The following VPS13B variants were observed in gnomAD, a reference collection of about 807,000 sequenced individuals.
VPS13B encodes the protein vacuolar protein sorting 13 homolog B.
Under a neutral mutation model 426.4 loss-of-function variants are expected in VPS13B, and 285 were observed. That is an observed-to-expected ratio of 0.67 (90% confidence interval 0.61 to 0.74). The LOEUF (loss-of-function observed/expected upper bound fraction) is 0.74. Among genes scored for constraint, VPS13B ranks in the 30% least tolerant of loss-of-function variants. The probability of loss-of-function intolerance (pLI) is 0.00; values close to 1 mark genes in which losing one functional copy is unlikely to be tolerated. For synonymous variants in VPS13B, 1,676 were observed against 1,676.4 expected, an observed-to-expected ratio of 1.00 and a Z score of 0.01; for missense variants, 4,537 against 4,782.6, an observed-to-expected ratio of 0.95 and a Z score of 1.51.
chr8:99,193,117 TTTA>T (rs1336101683), intron 17 of VPS13B, 60 bp downstream of exon 17: 1 of 1,541,334 alleles, frequency 6.5e-7, no homozygotes, highest in African/African-American at 1.4e-5. Flanking sequence ...CAACTAATAT[TTTA>T]TTATGAAAAT....
Position 99,653,395 on chromosome 8 carries a change from C to A in VPS13B, c.5909-7959C>A, listed in dbSNP as rs1588590363. 3.3e-5 allele frequency among the ~76,000 whole-genome samples: 5 copies of A among 151,618 alleles called. No individual in the cohort carries two copies. The Middle Eastern group carries it at 0.014, about 427-fold the overall frequency. On this transcript the variant is annotated intron_variant, in intron 34 of 61. Transcript: ENST00000357162. ...TGATTAGCTTTAATGTTACAAAACC[C>A]AACTTTGCTTAGAGCAGAAAAGAGG... is the stretch of plus-strand genomic sequence containing the variant.
chr8:99,365,592 C>T (rs149596938), intron 19 of VPS13B, among the ~76,000 whole-genome samples: 2,957 of 146,904 alleles, frequency 0.02, 108 homozygotes, highest in African/African-American at 0.07. Context: ...TCTCGGCTCA[C>T]TGCAACCACT....
At chr8:99,091,412 C>G (rs1359212985) in intron 3 of VPS13B, among the ~76,000 whole-genome samples, 1 of 152,034 alleles carries the variant, frequency 6.6e-6, no homozygotes, top group Non-Finnish European at 1.5e-5. Context: ...TTTCCTTTTT[C>G]CAGCCTGTCA....
intron 17 of VPS13B, among the ~76,000 whole-genome samples, chr8:99,232,432 A>C (rs1171952825): frequency 6.6e-6 from 1 of 152,098 alleles, no homozygotes; most frequent in South Asian, 2.1e-4. Flanking sequence ...AATTTTGTGT[A>C]GGTCACCTCG....
intron 22 of VPS13B, among the ~76,000 whole-genome samples, chr8:99,438,964 G>A (rs1393298): frequency 6.6e-6 from 1 of 152,030 alleles, no homozygotes; most frequent in African/African-American, 2.4e-5. Context: ...TCTTTCTTTA[G>A]CAAACGTTTA....
intron 2 of VPS13B, among the ~76,000 whole-genome samples, chr8:99,030,268 G>A (rs963354997): frequency 4.4e-5 from 6 of 137,032 alleles, no homozygotes; most frequent in African/African-American, 1.4e-4. Flanking sequence ...TCAAAATAAT[G>A]TTCAGCGTTG....
chr8:99,299,288 C>T (rs558942025), intron 19 of VPS13B, among the ~76,000 whole-genome samples: 1 of 151,918 alleles, frequency 6.6e-6, no homozygotes, highest in South Asian at 2.1e-4. Context: ...GTCTTGAACT[C>T]CTTACCTCAG....
chr8:99,498,422 A>T (rs1421197794), intron 25 of VPS13B, among the ~76,000 whole-genome samples: 1 of 139,400 alleles, frequency 7.2e-6, no homozygotes, highest in East Asian at 2.4e-4. Context: ...TACCTAATGT[A>T]AATGATGAGT....
At chr8:99,428,028 A>C (rs1816829502) in intron 21 of VPS13B, among the ~76,000 whole-genome samples, 2 of 152,072 alleles carry the variant, frequency 1.3e-5, no homozygotes, top group Admixed American at 6.6e-5. Context: ...CAAAAACAAG[A>C]AATGGGGAAA....
chr8:99,768,528 C>T lies in VPS13B; in HGVS notation c.7247+1558C>T, dbSNP rs572100510. Among the ~76,000 whole-genome samples the T allele has an allele frequency of 5.9e-5, 9 of 152,268 alleles. No homozygotes were observed. The South Asian group carries it at 1.9e-3, about 32-fold the overall frequency. On this transcript the variant is annotated intron_variant, in intron 40 of 61. Transcript: ENST00000357162. ...AGAACATTTGGAAAATAAAACAATA[C>T]TGCCCATAATTACAAGGAGATAACT...
intron 61 of VPS13B, among the ~76,000 whole-genome samples, chr8:99,873,492 TGG>T (rs1554589391): frequency 6.6e-6 from 1 of 152,086 alleles, no homozygotes; most frequent in Non-Finnish European, 1.5e-5. Context: ...AAAACAGAAG[TGG>T]GAAGACATGA....
At chr8:99,190,531 A>G (rs1348401832) in intron 16 of VPS13B, among the ~76,000 whole-genome samples, 1 of 151,772 alleles carries the variant, frequency 6.6e-6, no homozygotes, top group Non-Finnish European at 1.5e-5. Flanking sequence ...CATCCTCTCT[A>G]TTCCATTCTT....
chr8:99,130,388 CTTTT>C (rs539820640), intron 8 of VPS13B, among the ~76,000 whole-genome samples: 6 of 135,090 alleles, frequency 4.4e-5, no homozygotes, highest in Non-Finnish European at 6.4e-5. Context: ...TGTTCGGGTC[CTTTT>C]TTTTTTTTTT....
At chr8:99,112,680 A>G (rs894097271) in intron 6 of VPS13B, among the ~76,000 whole-genome samples, 2 of 152,168 alleles carry the variant, frequency 1.3e-5, no homozygotes. Context: ...AATTTGGGGA[A>G]TGTGAAGGTA....
chr8:99,473,156 G>C (rs1724651789), intron 24 of VPS13B, among the ~76,000 whole-genome samples: 1 of 151,932 alleles, frequency 6.6e-6, no homozygotes, highest in South Asian at 2.1e-4. Flanking sequence ...CTGGTTTTAT[G>C]AAGCTAGCAT....
chr8:99,813,509 T>C (rs905787175), intron 44 of VPS13B, among the ~76,000 whole-genome samples: 5 of 152,268 alleles, frequency 3.3e-5, no homozygotes, highest in Non-Finnish European at 7.3e-5. Context: ...TGCTATGGCA[T>C]CATAAGACTT....
At chr8:99,449,851 A>G (rs571015818) in intron 23 of VPS13B, among the ~76,000 whole-genome samples, 8 of 152,128 alleles carry the variant, frequency 5.3e-5, no homozygotes, top group Non-Finnish European at 1.0e-4. Flanking sequence ...CACTGTCACC[A>G]GGCTGGAGTG....
At chr8:99,317,563 T>C (rs1304269507) in intron 19 of VPS13B, among the ~76,000 whole-genome samples, 1 of 152,208 alleles carries the variant, frequency 6.6e-6, no homozygotes, top group African/African-American at 2.4e-5. Context: ...TATTTTTTAA[T>C]AAATTATATG....
At chr8:99,202,323 A>G (rs577219760) in intron 17 of VPS13B, among the ~76,000 whole-genome samples, 32 of 152,226 alleles carry the variant, frequency 2.1e-4, no homozygotes, top group Non-Finnish European at 3.7e-4. Flanking sequence ...TAATGTAGCT[A>G]TTTACAAGAG....
Sources: gnomAD v4.1 joint callset for allele counts (sites outside exome capture counted in the v4.1 genomes callset) on GRCh38, gnomAD v4.1.1 for gene constraint, MANE v1.5 for transcripts, NCBI Gene and HGNC (gene_info 2026-07-23, HGNC 2026-07-21) for gene names.